The following ST6GALNAC3 variants were observed in gnomAD, a reference collection of about 807,000 sequenced individuals.
The protein encoded by ST6GALNAC3 is alpha-N-acetylgalactosaminide alpha-2,6-sialyltransferase 3.
A neutral mutation model predicts 32.7 loss-of-function variants in ST6GALNAC3; 25 were observed. That is an observed-to-expected ratio of 0.76 (90% CI 0.56 to 1.07). The LOEUF (loss-of-function observed/expected upper bound fraction) is 1.07. Among genes scored for constraint, ST6GALNAC3 ranks in the 50% least tolerant of loss-of-function variants. The probability of loss-of-function intolerance (pLI) is 0.00; values close to 1 mark genes in which losing one functional copy is unlikely to be tolerated. For missense variants in ST6GALNAC3, 355 were observed against 382.4 expected, an observed-to-expected ratio of 0.93 and a Z score of 0.60; for synonymous variants, 129 against 133.1, an observed-to-expected ratio of 0.97 and a Z score of 0.21.
chr1:76,568,830 A>G (rs757874068), intron 3 of ST6GALNAC3, among the ~76,000 whole-genome samples: 2 of 152,202 alleles, frequency 1.3e-5, no homozygotes, highest in East Asian at 1.9e-4. Context: ...AGTTGCATTC[A>G]TGTCAGCACT....
intron 1 of ST6GALNAC3, among the ~76,000 whole-genome samples, chr1:76,269,225 CTTG>C (rs1190520296): frequency 6.6e-6 from 1 of 152,192 alleles, no homozygotes; most frequent in African/African-American, 2.4e-5. Context: ...CCCCTTCCTC[CTTG>C]TTGTCAGTCT....
intron 1 of ST6GALNAC3, among the ~76,000 whole-genome samples, chr1:76,113,681 A>G (rs889972896): frequency 6.6e-6 from 1 of 152,288 alleles, no homozygotes; most frequent in East Asian, 1.9e-4. Context: ...GAGATCTGGA[A>G]AACACAATTT....
chr1:76,433,131 G>A (rs1353702454), intron 3 of ST6GALNAC3, among the ~76,000 whole-genome samples: 2 of 151,700 alleles, frequency 1.3e-5, no homozygotes, highest in Non-Finnish European at 2.9e-5. Context: ...TAGTGCCATC[G>A]TTTTTTGAGA....
In ST6GALNAC3 at chr1:76,628,759, A is replaced by G; in HGVS notation, c.871A>G (p.Lys291Glu). 1.2e-6 allele frequency: 2 copies of G among 1,612,382 alleles called. No homozygotes were observed. The highest frequency in any genetic ancestry group is 1.7e-6 in the Non-Finnish European group (2 of 1,178,960). ...TEKKVFAKWAKKHRIIFTHPN... is the reference protein window; with the variant it reads ...TEKKVFAKWAEKHRIIFTHPN... ...AAAGAAAGTGTTTGCTAAATGGGCC[A>G]AGAAGCACAGGATAATATTTACACA... Residue 291 changes from lysine (K) to glutamate (E), a missense_variant, in exon 5 of 5, where the codon AAG becomes GAG. By Grantham distance (56) the Lys-to-Glu change is moderately conservative (BLOSUM62 1). Coordinates refer to ENST00000328299, the MANE Select transcript of ST6GALNAC3 (RefSeq NM_152996.4).
chr1:76,199,046 T>C (rs1654375474), intron 1 of ST6GALNAC3, among the ~76,000 whole-genome samples: 1 of 151,998 alleles, frequency 6.6e-6, no homozygotes, highest in African/African-American at 2.4e-5. Context: ...TTCAGAAGAG[T>C]TAGCTCTGTG....
intron 1 of ST6GALNAC3, among the ~76,000 whole-genome samples, chr1:76,209,118 T>C (rs376523249): frequency 6.6e-6 from 1 of 152,208 alleles, no homozygotes; most frequent in African/African-American, 2.4e-5. Context: ...TTCTGTAGAA[T>C]TTTCAGACTG....
intron 2 of ST6GALNAC3, among the ~76,000 whole-genome samples, chr1:76,344,276 G>C (rs941354969): frequency 6.6e-6 from 1 of 152,142 alleles, no homozygotes; most frequent in Admixed American, 6.5e-5. Context: ...CTTCTGGGAA[G>C]ACATGAAAGC....
intron 2 of ST6GALNAC3, among the ~76,000 whole-genome samples, chr1:76,408,755 C>CTT (rs34879076): frequency 0.75 from 113,702 of 151,786 alleles, 44,294 homozygotes; most frequent in East Asian, 1. Context: ...ATATCCAAGA[C>CTT]TTTCTTTTTC....
At chr1:76,622,356 T>C (rs1648703368) in intron 3 of ST6GALNAC3, among the ~76,000 whole-genome samples, 1 of 151,902 alleles carries the variant, frequency 6.6e-6, no homozygotes, top group Admixed American at 6.6e-5. Context: ...AAAAGTAAGA[T>C]AATGGGTTTA....
chr1:76,301,916 T>G lies in ST6GALNAC3; in HGVS notation c.19-11889T>G, dbSNP rs1159675408. 2.6e-5 allele frequency among the ~76,000 whole-genome samples: 4 copies of G among 151,882 alleles called. No individual in the cohort carries two copies. In the South Asian group the frequency reaches 6.2e-4, roughly 24 times the overall value. On this transcript the variant is annotated intron_variant, in intron 1 of 4. Coordinates refer to ENST00000328299, the MANE Select transcript of ST6GALNAC3 (RefSeq NM_152996.4). Reference sequence around the variant, plus strand: ...TATTTTGCATTGGTAAATTCTGATGTCTTGGGCAGCTCCAGGACTGTTTGT... The same window carrying G: ...TATTTTGCATTGGTAAATTCTGATGGCTTGGGCAGCTCCAGGACTGTTTGT...
In ST6GALNAC3 at chr1:76,378,259, T is replaced by A. The variant is rs944510600; in HGVS notation, c.214-33749T>A. On this transcript the variant is annotated intron_variant, in intron 2 of 4. Coordinates refer to ENST00000328299, the MANE Select transcript of ST6GALNAC3 (RefSeq NM_152996.4). The stretch of plus-strand genomic sequence containing the variant: ...TAACATTGTCCCTAGTAGTAAGAAA[T>A]ATCATTTTTCCTGTCTTTCTAGGCA... Among the ~76,000 whole-genome samples the A allele has an allele frequency of 5.9e-5, 9 of 152,318 alleles. No individual in the cohort carries two copies. The South Asian group carries it at 1.7e-3, about 28-fold the overall frequency.
intron 2 of ST6GALNAC3, among the ~76,000 whole-genome samples, chr1:76,394,185 G>A (rs1652771781): frequency 1.3e-5 from 2 of 152,184 alleles, no homozygotes; most frequent in Non-Finnish European, 2.9e-5. Context: ...CTATGCAGAA[G>A]CATATAGCTA....
intron 2 of ST6GALNAC3, among the ~76,000 whole-genome samples, chr1:76,357,781 G>A (rs1438239152): frequency 6.6e-6 from 1 of 152,158 alleles, no homozygotes; most frequent in Non-Finnish European, 1.5e-5. Flanking sequence ...ATAACAAAGT[G>A]CTCAGTGGTA....
chr1:76,479,266 T>C (rs1659569971), intron 3 of ST6GALNAC3, among the ~76,000 whole-genome samples: 1 of 152,162 alleles, frequency 6.6e-6, no homozygotes, highest in South Asian at 2.1e-4. Context: ...ATAAAATCTG[T>C]TCCCTTTTCC....
intron 1 of ST6GALNAC3, among the ~76,000 whole-genome samples, chr1:76,171,088 G>GGTGTGTGT (rs71071988): frequency 0.035 from 5,296 of 149,518 alleles, 236 homozygotes; most frequent in African/African-American, 0.11. Flanking sequence ...CATTGAGAGG[G>GGTGTGTGT]GTGTGTGTGT....
intron 2 of ST6GALNAC3, among the ~76,000 whole-genome samples, chr1:76,334,627 T>G (rs1172954825): frequency 6.6e-6 from 1 of 152,202 alleles, no homozygotes; most frequent in Non-Finnish European, 1.5e-5. Flanking sequence ...TTTGGAGTGG[T>G]CATTATGTTG....
intron 1 of ST6GALNAC3, among the ~76,000 whole-genome samples, chr1:76,258,269 T>C (rs577456617): frequency 6.6e-6 from 1 of 152,286 alleles, no homozygotes; most frequent in Non-Finnish European, 1.5e-5. Context: ...AAGACGTTCA[T>C]TCCATAAATA....
At chr1:76,304,690 C>T (rs916589153) in intron 1 of ST6GALNAC3, among the ~76,000 whole-genome samples, 1 of 151,942 alleles carries the variant, frequency 6.6e-6, no homozygotes, top group Non-Finnish European at 1.5e-5. Context: ...GGATAAATGC[C>T]ATTTAATGTA....
At chr1:76,299,812 GT>G (rs35523568) in intron 1 of ST6GALNAC3, among the ~76,000 whole-genome samples, 28,875 of 151,962 alleles carry the variant, frequency 0.19, 3,514 homozygotes, top group East Asian at 0.52. Context: ...TCCAGAGAAA[GT>G]TTCATTATGC....
Sources: allele counts gnomAD v4.1 joint callset (sites outside exome capture counted in the v4.1 genomes callset), GRCh38; gene constraint gnomAD v4.1.1; transcripts MANE v1.5; gene names NCBI Gene and HGNC (gene_info 2026-07-23, HGNC 2026-07-21).